RIPOR2: variants seen among roughly 807,000 people sequenced by gnomAD.
RIPOR2 encodes the protein RHO family interacting cell polarization regulator 2.
Under a neutral mutation model 114.5 loss-of-function variants are expected in RIPOR2, and 39 were observed. The ratio of observed to expected loss-of-function variants is 0.34; its 90% confidence interval spans 0.26 to 0.44. The LOEUF is 0.44. Among genes scored for constraint, RIPOR2 ranks in the 20% least tolerant of loss-of-function variants. The probability of loss-of-function intolerance (pLI) is 1.00; values close to 1 mark genes in which losing one functional copy is unlikely to be tolerated. For missense variants in RIPOR2, 1,007 were observed against 1,255.1 expected (o/e 0.80, Z 2.99); for synonymous variants, 445 against 484.4 (o/e 0.92, Z 1.07).
Position 25,020,904 on chromosome 6 carries a change from T to A in RIPOR2, c.76+20947A>T, listed in dbSNP as rs139247245. On this transcript the variant is annotated intron_variant, in intron 1 of 13. Coordinates refer to the RIPOR2 transcript ENST00000510784. ...CGGAGTCTCTCTCTGTTGCCCAGGC[T>A]AGAGTGCAGTGGCGTGATCTTGGCC... Among the ~76,000 whole-genome samples the A allele has an allele frequency of 6.4e-3, 975 of 152,302 alleles. 7 individuals are homozygous for A. Among genetic ancestry groups the A allele is most frequent in the African/African-American group, 0.02 (849 of 41,570 alleles).
chr6:24,808,710 A>C (rs1780931871), intron 21 of RIPOR2, among the ~76,000 whole-genome samples: 1 of 151,574 alleles, frequency 6.6e-6, no homozygotes, highest in Non-Finnish European at 1.5e-5. Context: ...TTTATACTTT[A>C]AGATTGTGTT....
intron 6 of RIPOR2, among the ~76,000 whole-genome samples, chr6:24,867,634 C>G (rs1208121399): frequency 6.6e-6 from 1 of 152,212 alleles, no homozygotes; most frequent in Non-Finnish European, 1.5e-5. Context: ...GCCATAATGA[C>G]TTAATCTATT....
At chr6:25,031,739 ATATATATAT>A (rs532838183) in intron 1 of RIPOR2, among the ~76,000 whole-genome samples, 5 of 98,980 alleles carry the variant, frequency 5.1e-5, no homozygotes, top group Non-Finnish European at 8.6e-5. Context: ...ATATATATAT[ATATATATAT>A]ATAAAATATC....
chr6:24,901,415 T>C (rs1186660215), intron 1 of RIPOR2, among the ~76,000 whole-genome samples: 9 of 152,162 alleles, frequency 5.9e-5, no homozygotes, highest in Non-Finnish European at 1.0e-4. Flanking sequence ...AACATCCTAA[T>C]GTGAAGAAAT....
intron 19 of RIPOR2, among the ~76,000 whole-genome samples, chr6:24,823,879 C>G (rs182972350): frequency 2.0e-5 from 3 of 152,174 alleles, no homozygotes; most frequent in Admixed American, 2.0e-4. Context: ...GCCTCAGCCT[C>G]CTGAGTAGCT....
chr6:24,987,177 C>T (rs541019317), intron 1 of RIPOR2, among the ~76,000 whole-genome samples: 37 of 152,288 alleles, frequency 2.4e-4, no homozygotes, highest in African/African-American at 4.6e-4. Flanking sequence ...ACTGACTGAG[C>T]AAGAATCATG....
At chr6:25,003,502 C>T (rs1775412853) in intron 1 of RIPOR2, among the ~76,000 whole-genome samples, 2 of 151,774 alleles carry the variant, frequency 1.3e-5, no homozygotes, top group South Asian at 4.2e-4. Flanking sequence ...AGTCATGGCT[C>T]AGTGTAGCCT....
chr6:24,900,340 C>T (rs1232628040), intron 1 of RIPOR2, among the ~76,000 whole-genome samples: 1 of 152,156 alleles, frequency 6.6e-6, no homozygotes, highest in Non-Finnish European at 1.5e-5. Context: ...GAGTAATTAC[C>T]TCAGGGTGTT....
upstream of RIPOR2, among the ~76,000 whole-genome samples, chr6:24,940,373 A>C (rs1303624473): frequency 2.0e-5 from 3 of 152,188 alleles, no homozygotes; most frequent in African/African-American, 7.2e-5. Flanking sequence ...AGTGTTTTAA[A>C]ATACTTAATT....
At chr6:24,849,715 G>T in intron 11 of RIPOR2, 87 bp downstream of exon 11, 1 of 1,181,564 alleles carries the variant, frequency 8.5e-7, no homozygotes, top group Non-Finnish European at 1.2e-6. Context: ...GCTCCCTGGT[G>T]ATGCGGATGG....
chr6:24,894,059 G>T (rs141515967), intron 1 of RIPOR2, among the ~76,000 whole-genome samples: 1 of 152,306 alleles, frequency 6.6e-6, no homozygotes, highest in African/African-American at 2.4e-5. Context: ...AGTAGTCCAG[G>T]TGCTATGAGG....
intron 1 of RIPOR2, chr6:25,023,117 G>T: frequency 2.1e-6 from 1 of 482,002 alleles, no homozygotes; most frequent in Non-Finnish European, 4.0e-6. Context: ...GAACAAAGCT[G>T]GGGCCTGGTA....
chr6:24,964,145 CTCTGTG>C (rs1341925454), intron 1 of RIPOR2, among the ~76,000 whole-genome samples: 1 of 47,382 alleles, frequency 2.1e-5, no homozygotes, highest in African/African-American at 8.2e-5. Flanking sequence ...TTGACATTGG[CTCTGTG>C]TGTGTGTGTG....
intron 12 of RIPOR2, among the ~76,000 whole-genome samples, chr6:24,844,014 G>A (rs1252574005): frequency 1.3e-5 from 2 of 151,924 alleles, no homozygotes; most frequent in Non-Finnish European, 2.9e-5. Context: ...GTTTTGTTCT[G>A]CTTCAATTCT....
intron 15 of RIPOR2, among the ~76,000 whole-genome samples, chr6:24,834,308 C>A (rs983680327): frequency 1.3e-5 from 2 of 152,132 alleles, no homozygotes; most frequent in African/African-American, 4.8e-5. Flanking sequence ...TCCTACATCT[C>A]ATCACATGTC....
chr6:24,930,840 C>A (rs955413643), intron 1 of RIPOR2, among the ~76,000 whole-genome samples: 11 of 152,192 alleles, frequency 7.2e-5, no homozygotes, highest in Non-Finnish European at 1.0e-4. Context: ...CTCTTTCTGC[C>A]CCTTTTCCAA....
At position 24,979,775 on chromosome 6, in the gene RIPOR2, G is replaced by C. The variant is rs558139886; in HGVS notation, c.76+62076C>G. ...TGGTGGTATAGCATGACAATTAAAA[G>C]CACAGGTTTTAAAACTGACAAATCC... On this transcript the variant is annotated intron_variant, in intron 1 of 13. Transcript: ENST00000510784. 5.9e-5 allele frequency among the ~76,000 whole-genome samples: 9 copies of C among 152,280 alleles called. No individual in the cohort carries two copies. In the East Asian group the frequency reaches 1.3e-3, roughly 23 times the overall value.
At chr6:24,878,888 T>TCTGTTG (rs1554218662) in intron 1 of RIPOR2, among the ~76,000 whole-genome samples, 1 of 141,476 alleles carries the variant, frequency 7.1e-6, no homozygotes, top group Admixed American at 7.1e-5. Context: ...AATTAAACGC[T>TCTGTTG]GGAGAGTAAA....
At chr6:24,851,749 GAAA>G (rs961386017) in intron 9 of RIPOR2, among the ~76,000 whole-genome samples, 1 of 131,030 alleles carries the variant, frequency 7.6e-6, no homozygotes, top group Non-Finnish European at 1.7e-5. Flanking sequence ...CTTGGATCAG[GAAA>G]AAAAAAAAAA....
Sources: gnomAD v4.1 joint callset for allele counts (sites outside exome capture counted in the v4.1 genomes callset) on GRCh38, gnomAD v4.1.1 for gene constraint, MANE v1.5 for transcripts, NCBI Gene and HGNC (gene_info 2026-07-23, HGNC 2026-07-21) for gene names.